The following TTC4 variants were observed in gnomAD, a reference collection of about 807,000 sequenced individuals.
The protein encoded by TTC4 is hsp70/Hsp90 co-chaperone CNS1 homolog.
In TTC4, 36 loss-of-function variants were observed where a neutral mutation model predicts 51.9. The ratio of observed to expected loss-of-function variants is 0.69; its 90% CI spans 0.53 to 0.92. TTC4 has a LOEUF of 0.92. Among genes scored for constraint, TTC4 ranks in the 40% least tolerant of loss-of-function variants. The pLI is 0.00. For missense variants in TTC4, 399 were observed against 454.6 expected (o/e 0.88, Z 1.11); for synonymous variants, 144 against 164.2 (o/e 0.88, Z 0.94).
At chr1:54,730,251 GCCCAGACA>G in intron 6 of TTC4, among the ~76,000 whole-genome samples, 1 of 150,230 alleles carries the variant, frequency 6.7e-6, no homozygotes, top group African/African-American at 2.5e-5. Context: ...AATATGAGAT[GCCCAGACA>G]CCCAGACATT....
At chr1:54,731,764 G>A in intron 7 of TTC4, 64 bp downstream of exon 7, 3 of 1,507,432 alleles carry the variant, frequency 2.0e-6, no homozygotes, top group Non-Finnish European at 2.7e-6. Context: ...TGTGGCAGGA[G>A]GGACGAGTGG....
At chr1:54,716,752 C>G in intron 2 of TTC4, 35 bp downstream of exon 2, 1 of 1,540,960 alleles carries the variant, frequency 6.5e-7, no homozygotes. Context: ...TTTTGTGTTT[C>G]CATTGAACTG....
In TTC4 at chr1:54,717,648, A is replaced by G. The variant is rs1447278893; in HGVS notation, c.386A>G (p.Tyr129Cys). 2 of 1,554,000 alleles carry G rather than the reference A, an allele frequency of 1.3e-6. No individual in the cohort carries two copies. Among genetic ancestry groups the G allele is most frequent in the African/African-American group, 1.4e-5 (1 of 72,140 alleles). ...LYTNRAAAQYYLGNFRSALND... is the reference protein window; with the variant it reads ...LYTNRAAAQYCLGNFRSALND... ...ACCAACCGGGCAGCAGCACAGTACT[A>G]TCTGGGTAATTTATAAGTGCTTTCT... Residue 129 changes from tyrosine to cysteine, a missense_variant, in exon 3 of 10, where the codon TAT becomes TGT. Transcript: ENST00000371281.
chr1:54,728,506 C>A lies in TTC4; in HGVS notation c.681+74C>A, dbSNP rs987741600. The A allele has an allele frequency of 1.0e-4, 143 of 1,388,006 alleles. 1 individual carries two copies. The highest frequency in any genetic ancestry group is 4.0e-6 in the Non-Finnish European group (4 of 1,003,768). 86.0% of individuals were successfully genotyped at this position (1,388,006 alleles called of 1,614,324 possible). ...CCTGTGAAGCTTGTTGGGAACCTTT[C>A]TTGGGATGCTTTACCTGAAGGAATT... On this transcript the variant is annotated intron_variant, in intron 6 of 9. Transcript: ENST00000371281.
In TTC4 at chr1:54,721,230, A is replaced by C. The variant is rs762917727; in HGVS notation, c.459A>C (p.Ala153=). The change falls in exon 4 of 10, where the codon GCA becomes GCC. Residue 153 remains alanine (A), a synonymous_variant. Coordinates refer to ENST00000371281, the MANE Select transcript of TTC4 (RefSeq NM_004623.5). The part of the protein sequence containing the change: ...ARKLKPCHLK[A]IIRGALCHLE... ...AGCTAAAACCCTGCCACCTCAAAGC[A>C]ATAATAAGAGGTAAGTCTTGTGGAA... 1.9e-6 allele frequency: 3 copies of C among 1,613,126 alleles called. No individual in the cohort carries two copies. The highest frequency in any genetic ancestry group is 2.5e-6 in the Non-Finnish European group (3 of 1,179,376).
chr1:54,717,609 A>C lies in TTC4; in HGVS notation c.347A>C (p.Asn116Thr). Residue 116 changes from asparagine (N) to threonine (T), a missense_variant, in exon 3 of 10, where the codon AAT becomes ACT. Around this residue, in one of 3 missense-constraint regions of TTC4, gnomAD observed 316 missense variants for 349.6 expected, o/e 0.90. Transcript: ENST00000371281. ...LKKKCADPDL[N>T]AVLYTNRAAA... ...AAGAAATGTGCAGATCCTGATTTGA[A>C]TGCTGTCCTTTATACCAACCGGGCA... 1 of 1,611,438 alleles carries C rather than the reference A, an allele frequency of 6.2e-7. No homozygotes were observed. The highest frequency in any genetic ancestry group is 1.3e-5 in the African/African-American group (1 of 74,948).
intron 9 of TTC4, among the ~76,000 whole-genome samples, chr1:54,738,141 T>C (rs1414406219): frequency 6.6e-6 from 1 of 152,166 alleles, no homozygotes; most frequent in Non-Finnish European, 1.5e-5. Context: ...CCTCAGGTAA[T>C]CCACCTGCCT....
intron 5 of TTC4, among the ~76,000 whole-genome samples, chr1:54,724,477 T>C (rs1645778010): frequency 6.6e-6 from 1 of 152,112 alleles, no homozygotes; most frequent in Non-Finnish European, 1.5e-5. Flanking sequence ...GGTTTCACTA[T>C]GTTGCCCAGG....
chr1:54,736,685 T>TAATA (rs1170814532), intron 8 of TTC4: 1 of 152,284 alleles, frequency 6.6e-6, no homozygotes, highest in African/African-American at 2.4e-5. Flanking sequence ...TTATTATTCT[T>TAATA]AATATAGTTA....
At position 54,733,624 on chromosome 1, in the gene TTC4, C is replaced by G; in HGVS notation, c.897-5C>G. On this transcript the variant is annotated splice_polypyrimidine_tract_variant and splice_region_variant and intron_variant, in intron 7 of 9. Coordinates refer to ENST00000371281, the MANE Select transcript of TTC4 (RefSeq NM_004623.5). The stretch of plus-strand genomic sequence containing the variant: ...ATACCCAGAAAGTACATGTTTTATC[C>G]TTAGGTTTATTGATCATCTAATGGT... 1.3e-6 allele frequency: 2 copies of G among 1,592,932 alleles called. No individual in the cohort carries two copies. The highest frequency in any genetic ancestry group is 1.7e-6 in the Non-Finnish European group (2 of 1,169,836).
chr1:54,721,307 AGTC>A, intron 4 of TTC4, 67 bp downstream of exon 4: 1 of 1,518,726 alleles, frequency 6.6e-7, no homozygotes. Context: ...ATACTAATAA[AGTC>A]ATCTTATTTT....
chr1:54,727,113 A>T (rs188114481), intron 5 of TTC4, among the ~76,000 whole-genome samples: 1 of 152,128 alleles, frequency 6.6e-6, no homozygotes, highest in Non-Finnish European at 1.5e-5. Flanking sequence ...AAAACATACG[A>T]CAGAGCTACA....
At chr1:54,739,247 A>G (rs748766513) in intron 9 of TTC4, among the ~76,000 whole-genome samples, 3 of 152,052 alleles carry the variant, frequency 2.0e-5, no homozygotes, top group South Asian at 4.1e-4. Flanking sequence ...ACTGGGTTCA[A>G]GCAGTCCTCC....
intron 8 of TTC4, among the ~76,000 whole-genome samples, chr1:54,736,193 AG>A (rs1557752776): frequency 8.6e-6 from 1 of 116,006 alleles, no homozygotes. Flanking sequence ...AGAGAGAGAG[AG>A]AGAGAGAGAG....
At chr1:54,733,747 ATTTTTTTTTTTTT>A (rs371403281) in intron 8 of TTC4, 37 bp downstream of exon 8, 398 of 798,514 alleles carry the variant, frequency 5.0e-4, no homozygotes, top group South Asian at 1.6e-3. Flanking sequence ...TATGGAATTA[ATTTTTTTTTTTTT>A]TTTTTTTTTT....
intron 4 of TTC4, among the ~76,000 whole-genome samples, chr1:54,722,269 G>GA (rs1645751990): frequency 1.3e-5 from 2 of 151,702 alleles, no homozygotes; most frequent in Admixed American, 6.6e-5. Context: ...TCCCTCCATT[G>GA]AAAAAATCAT....
intron 3 of TTC4, among the ~76,000 whole-genome samples, chr1:54,718,254 T>G (rs1043261179): frequency 6.6e-6 from 1 of 152,010 alleles, no homozygotes; most frequent in Non-Finnish European, 1.5e-5. Flanking sequence ...CTGCCTGTAG[T>G]CCTAGCTACT....
Position 54,740,042 on chromosome 1 carries a change from T to G in TTC4, c.1062-1369T>G, listed in dbSNP as rs377284080. Among the ~76,000 whole-genome samples the G allele has an allele frequency of 1.3e-4, 20 of 152,188 alleles. No homozygotes were observed. In the South Asian group the frequency reaches 3.7e-3, roughly 28 times the overall value. On this transcript the variant is annotated intron_variant, in intron 9 of 9. Coordinates refer to ENST00000371281, the MANE Select transcript of TTC4 (RefSeq NM_004623.5). Reference sequence around the variant, plus strand: ...CTCTATAGAAATCTTTTTTATGGTGTTGTGCACCTGTAGTCCTCGCTATTT... The same window carrying G: ...CTCTATAGAAATCTTTTTTATGGTGGTGTGCACCTGTAGTCCTCGCTATTT...
At chr1:54,731,178 T>A (rs1645861354) in intron 6 of TTC4, among the ~76,000 whole-genome samples, 1 of 152,102 alleles carries the variant, frequency 6.6e-6, no homozygotes, top group South Asian at 2.1e-4. Context: ...AGATGGATTG[T>A]GTGTAGAGCT....
Sources: allele counts gnomAD v4.1 joint callset (sites outside exome capture counted in the v4.1 genomes callset), GRCh38; gene constraint gnomAD v4.1.1; regional missense constraint gnomAD v4.1.1; transcripts MANE v1.5; gene names NCBI Gene and HGNC (gene_info 2026-07-23, HGNC 2026-07-21).